PTPN14: variants seen among roughly 807,000 people sequenced by gnomAD.
PTPN14 encodes the protein protein tyrosine phosphatase non-receptor type 14.
A neutral mutation model predicts 126.8 loss-of-function variants in PTPN14; 53 were observed. The observed-to-expected ratio is 0.42, with a 90% CI of 0.34 to 0.53. PTPN14 has a LOEUF of 0.53. PTPN14 is among the 20% of genes least tolerant of loss of function. PTPN14 has a pLI of 0.08. For missense variants in PTPN14, 1,257 were observed against 1,552.9 expected (o/e 0.81, Z 3.20); for synonymous variants, 630 against 599.3 (o/e 1.05, Z -0.75).
In PTPN14 at chr1:214,414,689, C is replaced by T. The variant is rs745456375; in HGVS notation, c.382G>A (p.Glu128Lys). Reference sequence around the variant, plus strand: ...TCCAATGTACATCGTAATCGCCCTTCAAGCACATCTTTTTTGACTTGCAGG... The same window carrying T: ...TCCAATGTACATCGTAATCGCCCTTTAAGCACATCTTTTTTGACTTGCAGG... ...YYLQVKKDVL[E>K]GRLRCTLDQV... Residue 128 changes from glutamate (E) to lysine (K), a missense_variant, in exon 4 of 19, where the codon GAA becomes AAA. Transcript: ENST00000366956. 1.2e-6 allele frequency: 2 copies of T among 1,614,112 alleles called. No individual in the cohort carries two copies. Among genetic ancestry groups the T allele is most frequent in the Non-Finnish European group, 1.7e-6 (2 of 1,179,954 alleles).
chr1:214,529,662 TCA>T (rs1439560190), intron 1 of PTPN14: 1 of 152,296 alleles, frequency 6.6e-6, no homozygotes, highest in Admixed American at 6.5e-5. Flanking sequence ...GGCAGGCAGA[TCA>T]CTTGACGCCA....
chr1:214,506,922 T>C (rs1344430681), intron 1 of PTPN14, among the ~76,000 whole-genome samples: 2 of 151,768 alleles, frequency 1.3e-5, no homozygotes, highest in Non-Finnish European at 2.9e-5. Flanking sequence ...TTTTTTTTTT[T>C]CCATGTTTTG....
chr1:214,433,972 A>C (rs1402126205), intron 3 of PTPN14, among the ~76,000 whole-genome samples: 1 of 131,952 alleles, frequency 7.6e-6, no homozygotes, highest in Non-Finnish European at 1.7e-5. Flanking sequence ...AAAAAAAAAA[A>C]CTCAAAAAAT....
At chr1:214,459,341 T>C (rs997392534) in intron 2 of PTPN14, among the ~76,000 whole-genome samples, 2 of 151,700 alleles carry the variant, frequency 1.3e-5, no homozygotes, top group African/African-American at 4.8e-5. Context: ...TTAGTAGAGA[T>C]GGGGTTTCAC....
chr1:214,535,547 G>A (rs1203350776), intron 1 of PTPN14, among the ~76,000 whole-genome samples: 1 of 152,198 alleles, frequency 6.6e-6, no homozygotes, highest in Non-Finnish European at 1.5e-5. Context: ...GGAGGCTGAG[G>A]AGGGCAGATC....
chr1:214,429,597 T>C (rs1659750742), intron 3 of PTPN14, among the ~76,000 whole-genome samples: 1 of 152,228 alleles, frequency 6.6e-6, no homozygotes, highest in Non-Finnish European at 1.5e-5. Context: ...TCCTTGTATA[T>C]AACAGATGCT....
intron 1 of PTPN14, among the ~76,000 whole-genome samples, chr1:214,527,084 T>A (rs1159178120): frequency 3.5e-5 from 5 of 143,434 alleles, no homozygotes; most frequent in Non-Finnish European, 3.0e-5. Flanking sequence ...ACAGCAAAAC[T>A]CCATCTCCAA....
chr1:214,413,485 A>G (rs1167420767), intron 4 of PTPN14, among the ~76,000 whole-genome samples: 1 of 152,210 alleles, frequency 6.6e-6, no homozygotes, highest in Non-Finnish European at 1.5e-5. Context: ...AGATGATTCA[A>G]TTCAGCCCAG....
rs769091628 is a variant in PTPN14, at chr1:214,383,881, G to C, written c.1974C>G (p.Leu658=). 3.1e-6 allele frequency: 5 copies of C among 1,613,038 alleles called. No homozygotes were observed. The highest frequency in any genetic ancestry group is 1.7e-5 in the Admixed American group (1 of 60,008). The change falls in exon 13 of 19, where the codon CTC becomes CTG. Residue 658 remains leucine, a synonymous_variant. Transcript: ENST00000366956. This position sits in a 1 kb window ranked among gnomAD's most constrained non-coding sequence, Gnocchi z 4.4. ...SMVRGMEAMT[L]KSLHLPMARR... is the part of the protein sequence containing the mutation. ...GAGCCATGGGGAGGTGGAGCGACTT[G>C]AGCGTCATGGCCTCCATGCCCCGCA...
chr1:214,449,835 A>G, intron 3 of PTPN14, among the ~76,000 whole-genome samples: 1 of 121,750 alleles, frequency 8.2e-6, no homozygotes, highest in East Asian at 2.1e-4. Context: ...CTTTTGATTT[A>G]AAAATAAAAA....
Position 214,519,737 on chromosome 1 carries a change from T to C in PTPN14, c.-155+31446A>G, listed in dbSNP as rs1470170807. On this transcript the variant is annotated intron_variant, in intron 1 of 18. Transcript: ENST00000366956. The stretch of plus-strand genomic sequence containing the variant: ...AAAGAGTTTTAACCCTCCCGCCCCA[T>C]GAAATCTTTTATTCAAAATATAAGC... Among the ~76,000 whole-genome samples the C allele has an allele frequency of 2.6e-5, 4 of 152,048 alleles. No homozygotes were observed. In the East Asian group the frequency reaches 7.7e-4, roughly 29 times the overall value.
chr1:214,431,185 C>T (rs1285960770), intron 3 of PTPN14, among the ~76,000 whole-genome samples: 2 of 152,170 alleles, frequency 1.3e-5, no homozygotes, highest in South Asian at 4.1e-4. Context: ...TGCCATGCTT[C>T]AAATGCCTCT....
chr1:214,417,738 G>A (rs1659457428), intron 3 of PTPN14, among the ~76,000 whole-genome samples: 1 of 152,118 alleles, frequency 6.6e-6, no homozygotes, highest in Non-Finnish European at 1.5e-5. Context: ...CTGAAAGCAT[G>A]GGCTGTATTA....
intron 3 of PTPN14, among the ~76,000 whole-genome samples, chr1:214,450,483 A>G (rs912264906): frequency 8.6e-5 from 13 of 151,540 alleles, no homozygotes; most frequent in Admixed American, 6.6e-5. Context: ...AATTAAAAAA[A>G]AAAAAGAAAA....
chr1:214,352,738 G>A lies in PTPN14; in HGVS notation c.*5184C>T, dbSNP rs759120060. The A allele has an allele frequency of 6.6e-6, 1 of 152,184 alleles. No homozygotes were observed. Among genetic ancestry groups the A allele is most frequent in the Non-Finnish European group, 1.5e-5 (1 of 68,042 alleles). The allele number at this position is 152,184 out of a possible 1,614,324, so 9.4% of individuals were successfully genotyped here. A position where few individuals can be genotyped will look rare whatever the true frequency, so the allele number is the denominator to read the frequency against. On this transcript the variant is annotated 3_prime_UTR_variant, in exon 19 of 19. Transcript: ENST00000366956. ...TGTAGGCCATTGGAGAATTTGTGTG[G>A]TTTCTACAGAAGACCCAAATTTCTC...
At chr1:214,377,643 T>C (rs376922902) in intron 14 of PTPN14, among the ~76,000 whole-genome samples, 1 of 152,170 alleles carries the variant, frequency 6.6e-6, no homozygotes, top group African/African-American at 2.4e-5. Flanking sequence ...AGTGTTTAAC[T>C]TGTGCATTTT....
rs1657708106 is a variant in PTPN14 at position 214,351,476 on chromosome 1, T to A, written c.*6446A>T. ...TGGCCTGAATAGAAACATGACTTGCTCTAAAGGGGAATGTCCTCTGCAGCA... is the reference window on the plus strand; with the variant it reads ...TGGCCTGAATAGAAACATGACTTGCACTAAAGGGGAATGTCCTCTGCAGCA... On this transcript the variant is annotated 3_prime_UTR_variant, in exon 19 of 19. Coordinates refer to ENST00000366956, the MANE Select transcript of PTPN14 (RefSeq NM_005401.5). 1 of 152,084 alleles carries A rather than the reference T, an allele frequency of 6.6e-6. No homozygotes were observed. Among genetic ancestry groups the A allele is most frequent in the Non-Finnish European group, 1.5e-5 (1 of 68,044 alleles). The allele number at this position is 152,084 out of a possible 1,614,324, so 9.4% of individuals were successfully genotyped here. A position where few individuals can be genotyped will look rare whatever the true frequency, so the allele number is the denominator to read the frequency against.
chr1:214,490,887 G>GGGGAGGGGAGGGGA (rs1661220957), intron 1 of PTPN14, among the ~76,000 whole-genome samples: 1 of 24,894 alleles, frequency 4.0e-5, no homozygotes, highest in Non-Finnish European at 9.4e-5. Flanking sequence ...GGGGAGGGAA[G>GGGGAGGGGAGGGGA]GGGAGGGGAG....
intron 1 of PTPN14, among the ~76,000 whole-genome samples, chr1:214,520,065 A>ACAAAAAAAAAAAATATATATAT (rs1553274992): frequency 4.2e-5 from 3 of 71,142 alleles, no homozygotes; most frequent in Non-Finnish European, 7.1e-5. Context: ...AAAAAAAAAA[A>ACAAAAAAAAAAAATATATATAT]ATATATATAT....
Sources: gnomAD v4.1 joint callset for allele counts (sites outside exome capture counted in the v4.1 genomes callset) on GRCh38, gnomAD v4.1.1 for gene constraint, Gnocchi (gnomAD v3.1) non-coding constraint, MANE v1.5 for transcripts, NCBI Gene and HGNC (gene_info 2026-07-23, HGNC 2026-07-21) for gene names.